Variants in RB1 observed in about 807,000 individuals in gnomAD.
RB1 encodes the protein retinoblastoma-associated protein.
RB1 carries 18 observed loss-of-function variants against 135.4 expected under a neutral mutation model. That is an observed-to-expected ratio of 0.13 (90% CI 0.09 to 0.20). The LOEUF (loss-of-function observed/expected upper bound fraction) is 0.20. Among genes scored for constraint, RB1 ranks in the 10% least tolerant of loss-of-function variants. The pLI is 1.00. For missense variants in RB1, 868 were observed against 1,110.0 expected (o/e 0.78, Z 3.10); for synonymous variants, 365 against 373.2 (o/e 0.98, Z 0.25).
chr13:48,337,053 G>A lies in RB1; in HGVS notation c.265-5546G>A, dbSNP rs563539153. Among the ~76,000 whole-genome samples the A allele has an allele frequency of 4.6e-5, 7 of 152,276 alleles. No homozygotes were observed. The South Asian group carries it at 1.4e-3, about 32-fold the overall frequency. On this transcript the variant is annotated intron_variant, in intron 2 of 26. Coordinates refer to ENST00000267163, the MANE Select transcript of RB1 (RefSeq NM_000321.3). ...TGCACTGTGATCTGAGAGACAGTTTGTTATAATTTCTTTTCTTTTACATTT... is the reference window on the plus strand; with the variant it reads ...TGCACTGTGATCTGAGAGACAGTTTATTATAATTTCTTTTCTTTTACATTT...
At position 48,415,343 on chromosome 13, in the gene RB1, G is replaced by A. The variant is rs564031362; in HGVS notation, c.1695+33900G>A. Among the ~76,000 whole-genome samples the A allele has an allele frequency of 1.6e-3, 232 of 149,298 alleles. 2 individuals carry two copies. The highest frequency in any genetic ancestry group is 0.013 in the South Asian group (61 of 4,728). On this transcript the variant is annotated intron_variant, in intron 17 of 26. Coordinates refer to ENST00000267163, the MANE Select transcript of RB1 (RefSeq NM_000321.3). ...CGCCCAGGCTGGAGTGCAGTGGTGC[G>A]ATCTTGTCTTACTGCAACCTCTGCC... is the stretch of plus-strand genomic sequence containing the variant.
chr13:48,340,131 C>T (rs1271313210), intron 2 of RB1, among the ~76,000 whole-genome samples: 1 of 152,126 alleles, frequency 6.6e-6, no homozygotes, highest in Non-Finnish European at 1.5e-5. Context: ...CCTTACCTCA[C>T]ACCATTTATA....
At chr13:48,420,284 A>G (rs1232409302) in intron 17 of RB1, among the ~76,000 whole-genome samples, 3 of 152,198 alleles carry the variant, frequency 2.0e-5, no homozygotes, top group Non-Finnish European at 4.4e-5. Flanking sequence ...AAAGATAAAA[A>G]CCACATGATT....
intron 1 of RB1, 90 bp downstream of exon 1, chr13:48,304,139 T>G (rs2138028606): frequency 7.8e-7 from 1 of 1,277,402 alleles, no homozygotes; most frequent in Non-Finnish European, 9.9e-7. Flanking sequence ...CGGGGATCCG[T>G]CCTCGCCAGG....
intron 2 of RB1, among the ~76,000 whole-genome samples, chr13:48,334,770 A>G (rs939232289): frequency 1.8e-4 from 27 of 152,188 alleles, no homozygotes; most frequent in Non-Finnish European, 1.3e-4. Flanking sequence ...AAAAGCGAGT[A>G]TAAGTTGTCA....
intron 21 of RB1, 54 bp downstream of exon 21, chr13:48,463,889 C>A: frequency 9.6e-7 from 1 of 1,039,146 alleles, no homozygotes; most frequent in Non-Finnish European, 1.5e-6. Context: ...CATAACATAA[C>A]ATAGGTAATT....
intron 2 of RB1, among the ~76,000 whole-genome samples, chr13:48,325,790 CGGT>C (rs1439123722): frequency 6.6e-6 from 1 of 151,924 alleles, no homozygotes; most frequent in Non-Finnish European, 1.5e-5. Flanking sequence ...CAAACCGTTG[CGGT>C]GAATTATCCT....
intron 2 of RB1, chr13:48,318,129 TG>T: frequency 1.9e-6 from 1 of 516,568 alleles, no homozygotes. Flanking sequence ...GGCCGTGTCC[TG>T]GCTCCTGACG....
At chr13:48,367,633 G>A (rs749222796) in intron 10 of RB1, 30 bp downstream of exon 10, 3 of 1,592,396 alleles carry the variant, frequency 1.9e-6, no homozygotes, top group South Asian at 2.2e-5. Context: ...TGATTGATTT[G>A]CTTTAGATAT....
intron 17 of RB1, among the ~76,000 whole-genome samples, chr13:48,395,734 A>G (rs1948642829): frequency 6.6e-6 from 1 of 152,218 alleles, no homozygotes; most frequent in Admixed American, 6.5e-5. Flanking sequence ...GGACTATGTG[A>G]AAAGACCAAA....
chr13:48,310,285 G>A (rs1952120492), intron 2 of RB1, among the ~76,000 whole-genome samples: 2 of 152,148 alleles, frequency 1.3e-5, no homozygotes, highest in Non-Finnish European at 2.9e-5. Context: ...TCTAGTGGCA[G>A]TTGTCTCTCT....
In RB1 at chr13:48,479,850, C is replaced by T. The variant is rs1026368618; in HGVS notation, c.2714-148C>T. 37 of 684,178 alleles carry T rather than the reference C, an allele frequency of 5.4e-5. 1 individual carries two copies. The highest frequency in any genetic ancestry group is 2.2e-4 in the East Asian group (8 of 36,742). The allele number at this position is 684,178 out of a possible 1,614,324, so 42.4% of individuals were successfully genotyped here. A position where few individuals can be genotyped will look rare whatever the true frequency, so the allele number is the denominator to read the frequency against. On this transcript the variant is annotated intron_variant, in intron 26 of 26. Transcript: ENST00000267163. ...GCAGTAAATTAACTGTAACTCCCTA[C>T]GGTACTGTCAAATACTAGAATGAAG...
At chr13:48,307,545 T>A in intron 2 of RB1, 139 bp downstream of exon 2, 1 of 926,916 alleles carries the variant, frequency 1.1e-6, no homozygotes, top group Non-Finnish European at 1.6e-6. Context: ...AGAGGAAATT[T>A]ACCTCTGCTA....
At chr13:48,373,157 A>G (rs961304703) in intron 11 of RB1, among the ~76,000 whole-genome samples, 5 of 152,174 alleles carry the variant, frequency 3.3e-5, no homozygotes, top group African/African-American at 1.2e-4. Flanking sequence ...ATTGATATGT[A>G]GTTTTATTAG....
In RB1 at chr13:48,481,740, G is replaced by A. The variant is rs1489753421; in HGVS notation, c.*1669G>A. 2 of 229,784 alleles carry A rather than the reference G, an allele frequency of 8.7e-6. No individual in the cohort carries two copies. Among genetic ancestry groups the A allele is most frequent in the Non-Finnish European group, 8.6e-6 (1 of 115,846 alleles). 14.2% of individuals were successfully genotyped at this position (229,784 alleles called of 1,614,324 possible). A position where few individuals can be genotyped will look rare whatever the true frequency, so the allele number is the denominator to read the frequency against. The stretch of plus-strand genomic sequence containing the variant: ...GAATTTTAGGAACTTCAGAGATCGT[G>A]TATTGAGATTTCTTAAATAATGCTT... On this transcript the variant is annotated 3_prime_UTR_variant, in exon 27 of 27. Transcript: ENST00000267163.
intron 17 of RB1, among the ~76,000 whole-genome samples, chr13:48,432,729 A>G (rs1226037411): frequency 1.3e-5 from 2 of 152,178 alleles, no homozygotes; most frequent in African/African-American, 4.8e-5. Flanking sequence ...TGTCCTAACT[A>G]TGCTTGAGTA....
chr13:48,328,663 T>A, intron 2 of RB1: 3 of 510,224 alleles, frequency 5.9e-6, no homozygotes, highest in Non-Finnish European at 1.1e-5. Context: ...GTATTTCTTT[T>A]AACTTTCTCC....
At chr13:48,454,000 A>C (rs4151581) in intron 18 of RB1, among the ~76,000 whole-genome samples, 1 of 152,222 alleles carries the variant, frequency 6.6e-6, no homozygotes, top group Non-Finnish European at 1.5e-5. Context: ...TGGGGTCCCA[A>C]GTGTTTATTT....
rs146536123 is a variant in RB1, at chr13:48,378,747, C to A, written c.1333-847C>A. Among the ~76,000 whole-genome samples the A allele has an allele frequency of 2.9e-3, 443 of 152,112 alleles. 1 individual carries two copies. The highest frequency in any genetic ancestry group is 4.9e-3 in the Non-Finnish European group (331 of 67,986). On this transcript the variant is annotated intron_variant, in intron 13 of 26. Coordinates refer to ENST00000267163, the MANE Select transcript of RB1 (RefSeq NM_000321.3). ...GGCAGTGCAATAGGTTTATTTACAT[C>A]AGCATCATCACAAAGATGTGAGTAA...
Sources: allele counts gnomAD v4.1 joint callset (sites outside exome capture counted in the v4.1 genomes callset), GRCh38; gene constraint gnomAD v4.1.1; transcripts MANE v1.5; gene names NCBI Gene and HGNC (gene_info 2026-07-23, HGNC 2026-07-21).